The following ZNF536 variants were observed in gnomAD, a reference collection of about 807,000 sequenced individuals.
The protein encoded by ZNF536 is zinc finger protein 536.
ZNF536 carries 13 observed loss-of-function variants against 84.5 expected under a neutral mutation model. The ratio of observed to expected loss-of-function variants is 0.15; its 90% CI spans 0.10 to 0.24. The LOEUF (loss-of-function observed/expected upper bound fraction) is 0.24, where lower values mean the gene tolerates loss of function less well. ZNF536 is among the 10% of genes least tolerant of loss of function. The pLI is 1.00. For synonymous variants in ZNF536, 811 were observed against 742.5 expected (o/e 1.09, Z -1.50); for missense variants, 1,536 against 1,747.5 (o/e 0.88, Z 2.16).
At chr19:30,486,571 T>G (rs2054309424) in intron 2 of ZNF536, among the ~76,000 whole-genome samples, 1 of 152,218 alleles carries the variant, frequency 6.6e-6, no homozygotes, top group African/African-American at 2.4e-5. Flanking sequence ...TACATGTGCA[T>G]GTATCTTTAT....
intron 1 of ZNF536, among the ~76,000 whole-genome samples, chr19:30,398,039 G>A (rs2049891724): frequency 6.6e-6 from 1 of 152,200 alleles, no homozygotes; most frequent in Non-Finnish European, 1.5e-5. Flanking sequence ...ATAAGAAGTT[G>A]CAAAGATAGT....
In ZNF536 at chr19:30,609,325, T is replaced by C. The variant is rs114096437; in HGVS notation, c.169+59811T>C. Among the ~76,000 whole-genome samples the C allele has an allele frequency of 4.7e-3, 713 of 152,300 alleles. 5 individuals carry two copies. Among genetic ancestry groups the C allele is most frequent in the African/African-American group, 0.016 (679 of 41,576 alleles). On this transcript the variant is annotated intron_variant, in intron 1 of 1. Coordinates refer to the ZNF536 transcript ENST00000592773. ...GGAAACCCACAAAATAGCTCTTGTCTAGAATCACCTCTGGACACTTTCTAT... is the reference window on the plus strand; with the variant it reads ...GGAAACCCACAAAATAGCTCTTGTCCAGAATCACCTCTGGACACTTTCTAT...
intron 1 of ZNF536, among the ~76,000 whole-genome samples, chr19:30,638,450 G>A (rs1160882158): frequency 6.6e-6 from 1 of 152,212 alleles, no homozygotes; most frequent in African/African-American, 2.4e-5. Context: ...TGAAGTGGGA[G>A]CCAGCACTTC....
intron 1 of ZNF536, among the ~76,000 whole-genome samples, chr19:30,638,806 A>T (rs2049164003): frequency 6.6e-6 from 1 of 152,194 alleles, no homozygotes; most frequent in Non-Finnish European, 1.5e-5. Context: ...ATATCTTTGC[A>T]GTCAAGAACA....
intron 2 of ZNF536, chr19:30,352,295 A>G (rs2047957101): frequency 6.6e-6 from 1 of 152,178 alleles, no homozygotes; most frequent in Admixed American, 6.6e-5. Flanking sequence ...TGACCTCTGC[A>G]TATTGCTGTG....
intron 2 of ZNF536, among the ~76,000 whole-genome samples, chr19:30,501,072 G>A (rs1696046207): frequency 1.3e-5 from 2 of 152,182 alleles, no homozygotes; most frequent in African/African-American, 4.8e-5. Context: ...AACCTACAAA[G>A]TGGGTATCAG....
chr19:30,445,227 C>G lies in ZNF536; in HGVS notation c.1665C>G (p.Ala555=), dbSNP rs752338941. ...QRNHEDTLAN[A]GVLFDKEKRE... ...ACCACGAAGACACTTTGGCAAACGC[C>G]GGGGTTCTGTTTGATAAGGAGAAGC... Residue 555 remains alanine, a synonymous_variant, in exon 2 of 5, where the codon GCC becomes GCG. Transcript: ENST00000355537. The surrounding 1 kb of genome is among the most constrained non-coding windows in gnomAD (Gnocchi z 4.5). The G allele has an allele frequency of 1.9e-6, 3 of 1,614,048 alleles. No homozygotes were observed. In the African/African-American group the frequency reaches 4.0e-5, roughly 22 times the overall value.
chr19:30,238,224 T>G (rs2023679082), intron 1 of ZNF536, among the ~76,000 whole-genome samples: 1 of 152,166 alleles, frequency 6.6e-6, no homozygotes, highest in Admixed American at 6.5e-5. Flanking sequence ...CAGAGCCGGG[T>G]GAAGAAGTGC....
chr19:30,401,488 G>A (rs143405475), intron 1 of ZNF536, among the ~76,000 whole-genome samples: 42 of 152,246 alleles, frequency 2.8e-4, no homozygotes, highest in Admixed American at 7.8e-4. Context: ...ACAGGAGCAC[G>A]TGTGAAGGAC....
intron 4 of ZNF536, chr19:30,554,713 T>A (rs1030009588): frequency 6.6e-6 from 1 of 152,030 alleles, no homozygotes. Flanking sequence ...CCATAGACAA[T>A]AGGAAAATGA....
intron 2 of ZNF536, among the ~76,000 whole-genome samples, chr19:30,304,080 C>G (rs906343275): frequency 2.6e-5 from 4 of 152,136 alleles, no homozygotes; most frequent in Non-Finnish European, 5.9e-5. Context: ...CTTAAGAGTT[C>G]CCGGTTGGAC....
chr19:30,299,170 C>T (rs1362882161), intron 2 of ZNF536, among the ~76,000 whole-genome samples: 2 of 152,214 alleles, frequency 1.3e-5, no homozygotes, highest in Non-Finnish European at 2.9e-5. Flanking sequence ...TTATAATCCT[C>T]TGTAAATTAT....
rs781010251 is a variant in ZNF536 at position 30,548,652 on chromosome 19, C to T, written c.3033C>T (p.Ser1011=). Residue 1011 remains serine (S), a synonymous_variant, in exon 4 of 5, where the codon TCC becomes TCT. Coordinates refer to ENST00000355537, the MANE Select transcript of ZNF536 (RefSeq NM_014717.3). ...HGCLFCAFTT[S]SMELMALHLQ... ...GCTTGTTTTGTGCTTTCACAACGTCCTCCATGGAGCTCATGGCCCTTCATC... is the reference window on the plus strand; with the variant it reads ...GCTTGTTTTGTGCTTTCACAACGTCTTCCATGGAGCTCATGGCCCTTCATC... 2 of 1,614,100 alleles carry T rather than the reference C, an allele frequency of 1.2e-6. No homozygotes were observed. The highest frequency in any genetic ancestry group is 8.5e-7 in the Non-Finnish European group (1 of 1,180,030).
At chr19:30,301,298 T>C (rs2046174420) in intron 2 of ZNF536, among the ~76,000 whole-genome samples, 1 of 152,074 alleles carries the variant, frequency 6.6e-6, no homozygotes, top group African/African-American at 2.4e-5. Context: ...TCTGAGGAAA[T>C]AGGAAGCTGA....
At chr19:30,678,282 C>T (rs1244210219) in intron 1 of ZNF536, among the ~76,000 whole-genome samples, 4 of 152,104 alleles carry the variant, frequency 2.6e-5, no homozygotes, top group African/African-American at 9.7e-5. Flanking sequence ...AGGTTAGGGG[C>T]ACTGTGTGCA....
intron 1 of ZNF536, among the ~76,000 whole-genome samples, chr19:30,230,589 T>C (rs2022961039): frequency 6.6e-6 from 1 of 152,292 alleles, no homozygotes; most frequent in East Asian, 1.9e-4. Flanking sequence ...ACCCCCATTA[T>C]GGGAGAGGAC....
At chr19:30,412,526 A>G (rs542756829) in intron 1 of ZNF536, among the ~76,000 whole-genome samples, 10 of 152,158 alleles carry the variant, frequency 6.6e-5, no homozygotes, top group African/African-American at 2.2e-4. Context: ...TCTTTAATAA[A>G]TTATGTGAAT....
intron 1 of ZNF536, among the ~76,000 whole-genome samples, chr19:30,646,674 G>A (rs774437414): frequency 6.6e-6 from 1 of 152,094 alleles, no homozygotes; most frequent in Non-Finnish European, 1.5e-5. Context: ...TAGTGGCTCT[G>A]CCCCCCTTTT....
At chr19:30,565,313 G>A (rs1020276325) in intron 1 of ZNF536, among the ~76,000 whole-genome samples, 4 of 152,086 alleles carry the variant, frequency 2.6e-5, no homozygotes, top group African/African-American at 9.7e-5. Flanking sequence ...CTACTTACCC[G>A]GGGAGAGAGC....
Sources: allele counts gnomAD v4.1 joint callset (sites outside exome capture counted in the v4.1 genomes callset), GRCh38; gene constraint gnomAD v4.1.1; non-coding constraint Gnocchi (gnomAD v3.1); transcripts MANE v1.5; gene names NCBI Gene and HGNC (gene_info 2026-07-23, HGNC 2026-07-21).